The following MAST4 variants were observed in gnomAD, a reference collection of about 807,000 sequenced individuals.
The protein encoded by MAST4 is microtubule associated serine/threonine kinase family member 4, also known as microtubule-associated serine/threonine-protein kinase 4.
In MAST4, 89 loss-of-function variants were observed where a neutral mutation model predicts 162.7. That is an observed-to-expected ratio of 0.55 (90% CI 0.46 to 0.65). MAST4 has a LOEUF of 0.65. MAST4 is among the 30% of genes least tolerant of loss of function. The pLI is 0.00. For synonymous variants in MAST4, 1,479 were observed against 1,361.1 expected (o/e 1.09, Z -1.91); for missense variants, 3,153 against 3,374.0 (o/e 0.93, Z 1.62).
chr5:67,137,202 C>A (rs1769772474), intron 19 of MAST4, among the ~76,000 whole-genome samples: 1 of 152,062 alleles, frequency 6.6e-6, no homozygotes, highest in African/African-American at 2.4e-5. Flanking sequence ...CACCGTGACC[C>A]AAGAAAGAGA....
intron 3 of MAST4, among the ~76,000 whole-genome samples, chr5:66,852,017 T>A (rs956061370): frequency 2.0e-5 from 3 of 152,208 alleles, no homozygotes; most frequent in Non-Finnish European, 4.4e-5. Flanking sequence ...CTGGGTTCAA[T>A]GTGGTGGACT....
At chr5:66,685,261 TCAAACAAAACAAAACAAAACAAAA>T (rs1450787562) in intron 1 of MAST4, among the ~76,000 whole-genome samples, 4 of 100,684 alleles carry the variant, frequency 4.0e-5, no homozygotes, top group Non-Finnish European at 8.7e-5. Flanking sequence ...AGACCTTGTC[TCAAACAAAACAAAACAAAACAAAA>T]CAAAACAAAA....
chr5:66,684,320 G>A (rs1580188162), intron 1 of MAST4, among the ~76,000 whole-genome samples: 1 of 151,902 alleles, frequency 6.6e-6, no homozygotes, highest in South Asian at 2.1e-4. Context: ...TTGTAGAGTT[G>A]TTGGAGGGAA....
At chr5:66,866,959 T>C (rs1487089258) in intron 3 of MAST4, among the ~76,000 whole-genome samples, 2 of 152,012 alleles carry the variant, frequency 1.3e-5, no homozygotes, top group African/African-American at 4.8e-5. Flanking sequence ...GTAGGTCTCC[T>C]CATATTGCCC....
intron 4 of MAST4, among the ~76,000 whole-genome samples, chr5:66,932,322 A>C (rs764679754): frequency 1.4e-4 from 21 of 152,182 alleles, no homozygotes; most frequent in Non-Finnish European, 2.2e-4. Flanking sequence ...TTACTTACTC[A>C]AACAGTAAAT....
At chr5:66,888,776 T>C (rs757724651) in intron 3 of MAST4, among the ~76,000 whole-genome samples, 5 of 152,210 alleles carry the variant, frequency 3.3e-5, no homozygotes, top group African/African-American at 4.8e-5. Flanking sequence ...GGCTGTGGAT[T>C]GGACAGTGAG....
Position 66,952,439 on chromosome 5 carries a change from A to G in MAST4, c.674+52457A>G, listed in dbSNP as rs117656079. Among the ~76,000 whole-genome samples, 155 of 152,266 alleles carry G rather than the reference A, an allele frequency of 1.0e-3. No homozygotes were observed. The East Asian group carries it at 0.026, about 25-fold the overall frequency. On this transcript the variant is annotated intron_variant, in intron 4 of 28. Transcript: ENST00000403625. ...CAGCTTCTTATAAAGACCTGCTTGA[A>G]AAAATGAACTCCAGTTATTAAAAGA...
At chr5:67,148,381 A>G (rs1290543271) in intron 23 of MAST4, among the ~76,000 whole-genome samples, 1 of 152,194 alleles carries the variant, frequency 6.6e-6, no homozygotes, top group Non-Finnish European at 1.5e-5. Flanking sequence ...AAAAAGTAGG[A>G]CAAATCAAAA....
chr5:67,133,424 T>C (rs1769238195), intron 16 of MAST4, 90 bp from the exon 17 acceptor site: 1 of 1,408,450 alleles, frequency 7.1e-7, no homozygotes, highest in Non-Finnish European at 9.8e-7. Flanking sequence ...TATTAAATAG[T>C]CTTAGAAACT....
chr5:66,956,123 T>G (rs1394098710), intron 4 of MAST4, among the ~76,000 whole-genome samples: 1 of 152,010 alleles, frequency 6.6e-6, no homozygotes, highest in Non-Finnish European at 1.5e-5. Flanking sequence ...GTGCCTGGCC[T>G]TCTTTTAAAC....
intron 2 of MAST4, among the ~76,000 whole-genome samples, chr5:66,764,568 T>A (rs1754000929): frequency 6.6e-6 from 1 of 152,136 alleles, no homozygotes. Flanking sequence ...AATGTCTAGA[T>A]GATCCTGACT....
At chr5:66,857,416 T>C (rs752417806) in intron 3 of MAST4, among the ~76,000 whole-genome samples, 1 of 152,244 alleles carries the variant, frequency 6.6e-6, no homozygotes, top group Admixed American at 6.5e-5. Context: ...TTGTAGGATC[T>C]ATGCCAAGAA....
chr5:67,005,044 G>A (rs1237153514), intron 4 of MAST4: 1 of 774,614 alleles, frequency 1.3e-6, no homozygotes, highest in Non-Finnish European at 2.4e-6. Flanking sequence ...ACTTTACTTT[G>A]CCTCATTTGA....
intron 1 of MAST4, among the ~76,000 whole-genome samples, chr5:66,715,533 G>A (rs368017777): frequency 5.6e-5 from 7 of 125,222 alleles, no homozygotes; most frequent in African/African-American, 1.5e-4. Context: ...GGTGGGGGGA[G>A]GGGGGAGGTA....
At chr5:66,780,423 G>A (rs548198725) in intron 2 of MAST4, among the ~76,000 whole-genome samples, 7 of 152,254 alleles carry the variant, frequency 4.6e-5, no homozygotes, top group South Asian at 2.1e-4. Context: ...TGGTGTGTCC[G>A]GAGTTTATTC....
chr5:66,919,978 T>TTCTC (rs70987149), intron 4 of MAST4, among the ~76,000 whole-genome samples: 24 of 126,954 alleles, frequency 1.9e-4, no homozygotes, highest in African/African-American at 7.7e-4. Flanking sequence ...CCTTCCTTCT[T>TTCTC]TCTCTCTCTC....
chr5:67,131,780 C>T lies in MAST4; in HGVS notation c.1955-33C>T, dbSNP rs1169730071. On this transcript the variant is annotated intron_variant, in intron 15 of 28. Transcript: ENST00000403625. ...TGATTTTCTACATTAAGCCTTCATCCTATAGCTACTAACTCTTTTTCCTGT... is the reference window on the plus strand; with the variant it reads ...TGATTTTCTACATTAAGCCTTCATCTTATAGCTACTAACTCTTTTTCCTGT... 2.5e-6 allele frequency: 4 copies of T among 1,608,192 alleles called. No homozygotes were observed. The South Asian group carries it at 4.4e-5, about 18-fold the overall frequency.
At chr5:67,027,146 A>G (rs969749223) in intron 4 of MAST4, among the ~76,000 whole-genome samples, 4 of 152,210 alleles carry the variant, frequency 2.6e-5, no homozygotes, top group African/African-American at 4.8e-5. Context: ...AATTCAGAGA[A>G]TTAGTGTAGA....
rs575436912 is a variant in MAST4, at chr5:66,971,501, G to A, written c.674+71519G>A. ...GGCCTGAGTAAGGATTCCTCACCCC[G>A]TTTGCAAGGAGCCCGGACACTTTCT... On this transcript the variant is annotated intron_variant, in intron 4 of 28. Transcript: ENST00000403625. Among the ~76,000 whole-genome samples the A allele has an allele frequency of 4.9e-4, 74 of 152,208 alleles. 1 individual carries two copies. The highest frequency in any genetic ancestry group is 7.2e-4 in the Admixed American group (11 of 15,268).
Sources: gnomAD v4.1 joint callset for allele counts (sites outside exome capture counted in the v4.1 genomes callset) on GRCh38, gnomAD v4.1.1 for gene constraint, MANE v1.5 for transcripts, NCBI Gene and HGNC (gene_info 2026-07-23, HGNC 2026-07-21) for gene names.